The following CACNG3 variants were observed in gnomAD, a reference collection of about 807,000 sequenced individuals.
CACNG3 encodes calcium voltage-gated channel auxiliary subunit gamma 3.
A neutral mutation model predicts 28.5 loss-of-function variants in CACNG3; 3 were observed. That is an observed-to-expected ratio of 0.11 (90% CI 0.05 to 0.27). The LOEUF (loss-of-function observed/expected upper bound fraction) is 0.27, where lower values mean the gene tolerates loss of function less well. Ranked by LOEUF, CACNG3 falls within the 10% of genes least tolerant of loss-of-function variation. The probability of loss-of-function intolerance (pLI) is 1.00; values close to 1 mark genes in which losing one functional copy is unlikely to be tolerated. For synonymous variants in CACNG3, 174 were observed against 162.2 expected (o/e 1.07, Z -0.55); for missense variants, 236 against 414.4 (o/e 0.57, Z 3.74).
chr16:24,274,200 AC>A (rs1362093576), intron 1 of CACNG3, among the ~76,000 whole-genome samples: 396 of 133,474 alleles, frequency 3.0e-3, no homozygotes, highest in East Asian at 0.011. Flanking sequence ...AAAAAAAAAA[AC>A]AAAAAAAAAA....
Position 24,291,346 on chromosome 16 carries a change from G to C in CACNG3, c.211+34381G>C, listed in dbSNP as rs906789027. 4.9e-4 allele frequency among the ~76,000 whole-genome samples: 74 copies of C among 152,242 alleles called. 1 individual carries two copies. The highest frequency in any genetic ancestry group is 2.9e-5 in the Non-Finnish European group (2 of 68,032). Reference sequence around the variant, plus strand: ...ACAACCCTTGCTGGATATTGCTCCTGTCAACAATACTTCTGGCAACTACCA... The same window carrying C: ...ACAACCCTTGCTGGATATTGCTCCTCTCAACAATACTTCTGGCAACTACCA... On this transcript the variant is annotated intron_variant, in intron 1 of 3. Coordinates refer to ENST00000005284, the MANE Select transcript of CACNG3 (RefSeq NM_006539.4).
At chr16:24,331,254 T>TA (rs551955458) in intron 1 of CACNG3, among the ~76,000 whole-genome samples, 98 of 152,322 alleles carry the variant, frequency 6.4e-4, no homozygotes, top group African/African-American at 2.2e-3. Flanking sequence ...CAGTTCACTC[T>TA]AAACCTCCCA....
Position 24,272,101 on chromosome 16 carries a change from T to C in CACNG3, c.211+15136T>C, listed in dbSNP as rs57980021. ...GTGATTATACATTTTCTCTCTCTCT[T>C]TTTTTTTTAATCTTTAACTTTAAAA... On this transcript the variant is annotated intron_variant, in intron 1 of 3. Coordinates refer to ENST00000005284, the MANE Select transcript of CACNG3 (RefSeq NM_006539.4). 9.6e-3 allele frequency among the ~76,000 whole-genome samples: 1,326 copies of C among 138,410 alleles called. 19 individuals are homozygous for C. Among genetic ancestry groups the C allele is most frequent in the African/African-American group, 0.034 (1,283 of 37,414 alleles). The allele number at this position is 138,410 out of a possible 152,430, so 90.8% of individuals were successfully genotyped here.
chr16:24,283,752 G>T (rs1287523481), intron 1 of CACNG3, among the ~76,000 whole-genome samples: 1 of 152,152 alleles, frequency 6.6e-6, no homozygotes, highest in Non-Finnish European at 1.5e-5. Flanking sequence ...CATGAACAGT[G>T]TTTCTCAAAG....
chr16:24,273,194 C>G (rs2141348186), intron 1 of CACNG3, among the ~76,000 whole-genome samples: 1 of 152,282 alleles, frequency 6.6e-6, no homozygotes, highest in African/African-American at 2.4e-5. Context: ...TGCTGTCTCC[C>G]CACCCTAAGT....
intron 1 of CACNG3, among the ~76,000 whole-genome samples, chr16:24,313,076 GAA>G (rs1247533805): frequency 6.9e-6 from 1 of 144,296 alleles, no homozygotes; most frequent in East Asian, 2.2e-4. Flanking sequence ...AGGGAGGGAG[GAA>G]GGAAGGAAGG....
intron 1 of CACNG3, among the ~76,000 whole-genome samples, chr16:24,301,693 G>T (rs1899113598): frequency 6.6e-6 from 1 of 152,182 alleles, no homozygotes; most frequent in Admixed American, 6.5e-5. Context: ...GGAGCTGGGG[G>T]AATTGTTCTC....
intron 1 of CACNG3, among the ~76,000 whole-genome samples, chr16:24,258,836 C>T (rs936053424): frequency 6.6e-6 from 1 of 152,176 alleles, no homozygotes; most frequent in African/African-American, 2.4e-5. Flanking sequence ...GGGAATCAAA[C>T]CTGAGAATGC....
chr16:24,287,239 C>A (rs1263507548), intron 1 of CACNG3, among the ~76,000 whole-genome samples: 1 of 152,130 alleles, frequency 6.6e-6, no homozygotes, highest in East Asian at 1.9e-4. Context: ...GGCTCTGGGC[C>A]ATGCATGGTG....
chr16:24,257,422 AG>A, intron 1 of CACNG3, among the ~76,000 whole-genome samples: 1 of 124,568 alleles, frequency 8.0e-6, no homozygotes, highest in South Asian at 2.5e-4. Flanking sequence ...AGAGAGAGAG[AG>A]AGAGATCCTG....
Position 24,362,148 on chromosome 16 carries a change from T to C in CACNG3, c.*285T>C, listed in dbSNP as rs374427047. ...TTTACTGGAAGGACCTCCACATTCT[T>C]CCCTCCTTGGAAGAGGACTTTACTA... is the stretch of plus-strand genomic sequence containing the variant. On this transcript the variant is annotated 3_prime_UTR_variant, in exon 4 of 4. Transcript: ENST00000005284. 2.3e-5 allele frequency: 7 copies of C among 301,748 alleles called. No individual in the cohort carries two copies. Among genetic ancestry groups the C allele is most frequent in the East Asian group, 2.2e-4 (4 of 18,142 alleles). 18.7% of individuals were successfully genotyped at this position (301,748 alleles called of 1,614,324 possible).
At chr16:24,305,637 G>C (rs1432261147) in intron 1 of CACNG3, among the ~76,000 whole-genome samples, 1 of 151,940 alleles carries the variant, frequency 6.6e-6, no homozygotes, top group African/African-American at 2.4e-5. Flanking sequence ...CACACACTGG[G>C]GCCTGTCCTG....
chr16:24,334,727 T>G (rs1899677848), intron 1 of CACNG3, among the ~76,000 whole-genome samples: 1 of 152,256 alleles, frequency 6.6e-6, no homozygotes, highest in Non-Finnish European at 1.5e-5. Flanking sequence ...GAGCTGTCTT[T>G]GAATGACCCA....
Position 24,332,140 on chromosome 16 carries a change from G to A in CACNG3, c.212-14594G>A, listed in dbSNP as rs540957368. Reference sequence around the variant, plus strand: ...ACAGTGCTTAACACAAGCAACCTAGGTGCCTCTCCAGATATCTATTGAACA... The same window carrying A: ...ACAGTGCTTAACACAAGCAACCTAGATGCCTCTCCAGATATCTATTGAACA... On this transcript the variant is annotated intron_variant, in intron 1 of 3. Coordinates refer to ENST00000005284, the MANE Select transcript of CACNG3 (RefSeq NM_006539.4). Among the ~76,000 whole-genome samples the A allele has an allele frequency of 5.3e-5, 8 of 152,234 alleles. No homozygotes were observed. In the South Asian group the frequency reaches 1.7e-3, roughly 32 times the overall value.
Position 24,256,969 on chromosome 16 carries a change from T to G in CACNG3, c.211+4T>G. ...TGGAGGACCTGCTGCCTAGAAGGTA[T>G]TTACAATTTCCTCTCAATAGCTCTG... On this transcript the variant is annotated splice_donor_region_variant and intron_variant, in intron 1 of 3. Coordinates refer to ENST00000005284, the MANE Select transcript of CACNG3 (RefSeq NM_006539.4). The surrounding 1 kb of genome is among the most constrained non-coding windows in gnomAD (Gnocchi z 4.6). 1 of 1,573,088 alleles carries G rather than the reference T, an allele frequency of 6.4e-7. No individual in the cohort carries two copies. The highest frequency in any genetic ancestry group is 8.8e-7 in the Non-Finnish European group (1 of 1,142,634).
At chr16:24,285,250 G>A (rs1373034514) in intron 1 of CACNG3, among the ~76,000 whole-genome samples, 1 of 152,136 alleles carries the variant, frequency 6.6e-6, no homozygotes, top group Non-Finnish European at 1.5e-5. Context: ...TCTTAGCTAT[G>A]TGGTCTCCAA....
At chr16:24,346,042 A>G (rs1422059040) in intron 1 of CACNG3, among the ~76,000 whole-genome samples, 4 of 152,192 alleles carry the variant, frequency 2.6e-5, no homozygotes, top group Non-Finnish European at 5.9e-5. Flanking sequence ...CCTCATTGGT[A>G]AAATGAGCGA....
intron 1 of CACNG3, among the ~76,000 whole-genome samples, chr16:24,308,620 CA>C (rs1259608790): frequency 1.4e-4 from 21 of 151,668 alleles, no homozygotes; most frequent in African/African-American, 5.1e-4. Context: ...TTTGGGAGGC[CA>C]AGGTGAGAGG....
chr16:24,312,920 G>GAAGGAAGAAAGAAAGAAAGAAAGAAAGA (rs1405298888), intron 1 of CACNG3, among the ~76,000 whole-genome samples: 54 of 122,122 alleles, frequency 4.4e-4, no homozygotes, highest in African/African-American at 1.6e-3. Context: ...AGGAAGGAAG[G>GAAGGAAGAAAGAAAGAAAGAAAGAAAGA]AAGAAAGAAA....
Sources: gnomAD v4.1 joint callset for allele counts (sites outside exome capture counted in the v4.1 genomes callset) on GRCh38, gnomAD v4.1.1 for gene constraint, Gnocchi (gnomAD v3.1) non-coding constraint, MANE v1.5 for transcripts, NCBI Gene and HGNC (gene_info 2026-07-23, HGNC 2026-07-21) for gene names.